SLC8B1: variants seen among roughly 807,000 people sequenced by gnomAD.
The protein encoded by SLC8B1 is solute carrier family 8 member B1, also known as mitochondrial sodium/calcium exchanger protein.
In SLC8B1, 52 loss-of-function variants were observed where a neutral mutation model predicts 63.4. The ratio of observed to expected loss-of-function variants is 0.82; its 90% CI spans 0.66 to 1.03. The LOEUF is 1.03. SLC8B1 is among the 50% of genes least tolerant of loss of function. SLC8B1 has a pLI of 0.00. For missense variants in SLC8B1, 657 were observed against 741.7 expected, an observed-to-expected ratio of 0.89 and a Z score of 1.33; for synonymous variants, 336 against 323.9, an observed-to-expected ratio of 1.04 and a Z score of -0.40.
chr12:113,320,484 C>T lies in SLC8B1; in HGVS notation c.541G>A (p.Val181Ile). 1 of 1,614,140 alleles carries T rather than the reference C, an allele frequency of 6.2e-7. No individual in the cohort carries two copies. The highest frequency in any genetic ancestry group is 8.5e-7 in the Non-Finnish European group (1 of 1,180,024). ...LGALFGAGVL[V>I]TTVVAGGITI... ...ATGCCTCCGGCCACCACTGTGGTAA[C>T]CAGCACGCCAGCGCCTGGGGGGAGG... Residue 181 changes from valine (V) to isoleucine (I), a missense_variant, in exon 7 of 16, where the codon GTT (valine) becomes ATT (isoleucine). By Grantham distance (29) the Val-to-Ile change is conservative. Coordinates refer to ENST00000680972, the MANE Select transcript of SLC8B1 (RefSeq NM_001358345.2). This position sits in a 1 kb window ranked among gnomAD's most constrained non-coding sequence, Gnocchi z 5.3.
At chr12:113,331,261 C>T (rs1288188980) in intron 2 of SLC8B1, among the ~76,000 whole-genome samples, 1 of 151,928 alleles carries the variant, frequency 6.6e-6, no homozygotes, top group Non-Finnish European at 1.5e-5. Flanking sequence ...TGGTGGTGTG[C>T]ACCTGTAATC....
intron 2 of SLC8B1, among the ~76,000 whole-genome samples, chr12:113,325,712 T>C (rs1006892335): frequency 3.3e-5 from 5 of 151,894 alleles, no homozygotes; most frequent in African/African-American, 7.3e-5. Context: ...CTACAGGCGC[T>C]CGCCACCACG....
intron 7 of SLC8B1, 160 bp from the exon 8 acceptor site, chr12:113,319,231 C>G: frequency 3.3e-6 from 2 of 607,422 alleles, no homozygotes; most frequent in Admixed American, 5.0e-5. Flanking sequence ...CTCCCCACTC[C>G]TTCCTCCTGC....
Position 113,332,849 on chromosome 12 carries a change from C to G in SLC8B1, c.30G>C (p.Trp10Cys), listed in dbSNP as rs762511849. Residue 10 changes from tryptophan to cysteine, a missense_variant, in exon 2 of 16, where the codon TGG becomes TGC. Coordinates refer to ENST00000680972, the MANE Select transcript of SLC8B1 (RefSeq NM_001358345.2). ...GCAGCACACAAAGCACACTCAGTGC[C>G]CAGCGCAGATTCAGCCTTCTGCCGG... Reference protein sequence around the residue: MAGRRLNLRWALSVLCVLLM... With the variant: MAGRRLNLRCALSVLCVLLM... 44 of 1,614,048 alleles carry G rather than the reference C, an allele frequency of 2.7e-5. No individual in the cohort carries two copies. The highest frequency in any genetic ancestry group is 3.7e-5 in the Non-Finnish European group (44 of 1,180,034).
Position 113,321,062 on chromosome 12 carries a change from G to A in SLC8B1, c.356C>T (p.Ala119Val). The change falls in exon 4 of 16, where the codon GCC (alanine) becomes GTC (valine). Residue 119 changes from alanine (A) to valine (V), a missense_variant. Ala to Val is a moderately conservative substitution (Grantham distance 64). Coordinates refer to ENST00000680972, the MANE Select transcript of SLC8B1 (RefSeq NM_001358345.2). ...YLFLILGVTA[A>V]KFFCPNLSAI... ...AGCCCAGAGCCAAACTCACAACTTG[G>A]CTGCGGTGACTCCCAGAATCAGAAA... 6.2e-7 allele frequency: 1 copy of A among 1,612,870 alleles called. No individual in the cohort carries two copies. Among genetic ancestry groups the A allele is most frequent in the Non-Finnish European group, 8.5e-7 (1 of 1,179,436 alleles).
chr12:113,328,389 C>G (rs925138877), intron 2 of SLC8B1, among the ~76,000 whole-genome samples: 1 of 152,162 alleles, frequency 6.6e-6, no homozygotes, highest in African/African-American at 2.4e-5. Context: ...TCCACCAGCA[C>G]GGAGAACAAC....
At position 113,316,664 on chromosome 12, in the gene SLC8B1, C is replaced by G. The variant is rs1413014095; in HGVS notation, c.863-8G>C. 6.2e-7 allele frequency: 1 copy of G among 1,612,586 alleles called. No individual in the cohort carries two copies. The highest frequency in any genetic ancestry group is 2.2e-5 in the East Asian group (1 of 44,884). On this transcript the variant is annotated splice_region_variant and splice_polypyrimidine_tract_variant and intron_variant, in intron 9 of 15. Coordinates refer to ENST00000680972, the MANE Select transcript of SLC8B1 (RefSeq NM_001358345.2). The stretch of plus-strand genomic sequence containing the variant: ...GCGGCCGGTACTCATCACCTGTGTG[C>G]AGGGGTCGGGTGGTGAGGTGTGCCT...
chr12:113,301,255 A>C (rs535019151), intron 15 of SLC8B1, among the ~76,000 whole-genome samples: 17 of 151,830 alleles, frequency 1.1e-4, no homozygotes, highest in Non-Finnish European at 1.9e-4. Context: ...TGGTGGGAAT[A>C]TGTGTGTCTA....
chr12:113,313,301 C>CA (rs989237152), intron 11 of SLC8B1, among the ~76,000 whole-genome samples: 2 of 150,308 alleles, frequency 1.3e-5, no homozygotes, highest in Non-Finnish European at 3.0e-5. Flanking sequence ...GCAGGTGACA[C>CA]GGTTTCCTTT....
In SLC8B1 at chr12:113,331,728, C is replaced by T. The variant is rs888040653; in HGVS notation, c.156+995G>A. 3.3e-5 allele frequency among the ~76,000 whole-genome samples: 5 copies of T among 152,152 alleles called. No individual in the cohort carries two copies. In the South Asian group the frequency reaches 8.3e-4, roughly 25 times the overall value. On this transcript the variant is annotated intron_variant, in intron 2 of 15. Coordinates refer to ENST00000680972, the MANE Select transcript of SLC8B1 (RefSeq NM_001358345.2). ...TTGCAGATGACCTATTGCGGGACCT[C>T]ACCTGTGATCATGTGAGTCAATATT... is the stretch of plus-strand genomic sequence containing the variant.
rs143647603 is a variant in SLC8B1, at chr12:113,303,880, A to T, written c.1557+441T>A. On this transcript the variant is annotated intron_variant, in intron 15 of 15. Transcript: ENST00000680972. ...TGAGGCCCAGAGATGTCCTAACTCC[A>T]TTTTTTCCCTTTTTTTCTGAGATGA... Among the ~76,000 whole-genome samples, 820 of 151,608 alleles carry T rather than the reference A, an allele frequency of 5.4e-3. 9 individuals carry two copies. Among genetic ancestry groups the T allele is most frequent in the African/African-American group, 0.019 (778 of 41,330 alleles).
chr12:113,322,884 AG>A (rs1486734115), intron 2 of SLC8B1, among the ~76,000 whole-genome samples: 1 of 152,224 alleles, frequency 6.6e-6, no homozygotes, highest in Non-Finnish European at 1.5e-5. Flanking sequence ...TGGAAGTTCA[AG>A]GTTGCAGAGA....
chr12:113,320,777 G>A lies in SLC8B1; in HGVS notation c.420+73C>T. On this transcript the variant is annotated intron_variant, in intron 5 of 15. Coordinates refer to ENST00000680972, the MANE Select transcript of SLC8B1 (RefSeq NM_001358345.2). This position sits in a 1 kb window ranked among gnomAD's most constrained non-coding sequence, Gnocchi z 5.3. ...CCCCCAGCTTCCCCACACGGGGATA[G>A]ACATGACCCTATCTCCCAGCCTCCC... 1.0e-5 allele frequency: 16 copies of A among 1,576,160 alleles called. No homozygotes were observed. In the South Asian group the frequency reaches 1.6e-4, roughly 16 times the overall value.
Position 113,307,842 on chromosome 12 carries a change from G to T in SLC8B1, c.1260C>A (p.Leu420=). 6.2e-7 allele frequency: 1 copy of T among 1,611,940 alleles called. No homozygotes were observed. Among genetic ancestry groups the T allele is most frequent in the Non-Finnish European group, 8.5e-7 (1 of 1,179,932 alleles). ...SDSQPPRLHW[L]FAFLGFLTSA... is the part of the protein sequence containing the mutation. The stretch of plus-strand genomic sequence containing the variant: ...TGGTCAGAAAGCCCAGGAAAGCAAA[G>T]AGCTGCGGAGGGAATGGTTTGCTGT... Residue 420 remains leucine (L), a splice_region_variant and synonymous_variant, in exon 13 of 16, where the codon CTC becomes CTA. Coordinates refer to ENST00000680972, the MANE Select transcript of SLC8B1 (RefSeq NM_001358345.2).
rs1956841675 is a variant in SLC8B1, at chr12:113,316,740, TCCC to T, written c.863-87_863-85del. 1.2e-5 allele frequency: 19 copies of T among 1,573,886 alleles called. 1 individual carries two copies. The South Asian group carries it at 2.0e-4, about 17-fold the overall frequency. On this transcript the variant is annotated intron_variant, in intron 9 of 15. Coordinates refer to ENST00000680972, the MANE Select transcript of SLC8B1 (RefSeq NM_001358345.2). ...CTTCCCCGCTCCATCCCACCAGTCC[TCCC>T]AGCCCTAAAGGAGGAGACAAAGCCC...
chr12:113,318,828 A>G, intron 8 of SLC8B1, 136 bp downstream of exon 8: 1 of 649,418 alleles, frequency 1.5e-6, no homozygotes, highest in Non-Finnish European at 2.7e-6. Context: ...GGACCTCAGC[A>G]GAATGAGTAG....
Position 113,320,789 on chromosome 12 carries a change from T to C in SLC8B1, c.420+61A>G, listed in dbSNP as rs1226216255. The C allele has an allele frequency of 1.4e-5, 22 of 1,578,026 alleles. No homozygotes were observed. Among genetic ancestry groups the C allele is most frequent in the Non-Finnish European group, 1.9e-5 (22 of 1,162,000 alleles). On this transcript the variant is annotated intron_variant, in intron 5 of 15. Transcript: ENST00000680972. The surrounding 1 kb of genome is among the most constrained non-coding windows in gnomAD (Gnocchi z 5.3). ...CCACACGGGGATAGACATGACCCTA[T>C]CTCCCAGCCTCCCCACAACTGCCCT...
chr12:113,309,003 G>A (rs1324370047), intron 12 of SLC8B1, among the ~76,000 whole-genome samples: 4 of 151,640 alleles, frequency 2.6e-5, no homozygotes, highest in East Asian at 1.9e-4. Context: ...ACAGGTGCCC[G>A]CCACCATGCC....
chr12:113,327,294 C>T (rs964471614), intron 2 of SLC8B1, among the ~76,000 whole-genome samples: 2 of 152,104 alleles, frequency 1.3e-5, no homozygotes, highest in South Asian at 4.1e-4. Context: ...TCTCATGAAA[C>T]TGCCTGGTTG....
Sources: gnomAD v4.1 joint callset for allele counts (sites outside exome capture counted in the v4.1 genomes callset) on GRCh38, gnomAD v4.1.1 for gene constraint, Gnocchi (gnomAD v3.1) non-coding constraint, MANE v1.5 for transcripts, NCBI Gene and HGNC (gene_info 2026-07-23, HGNC 2026-07-21) for gene names.